Variants in EIF4B observed in about 807,000 individuals in gnomAD.
EIF4B encodes the protein eukaryotic translation initiation factor 4B.
EIF4B carries 8 observed loss-of-function variants against 79.3 expected under a neutral mutation model. The ratio of observed to expected loss-of-function variants is 0.10; its 90% CI spans 0.06 to 0.18. EIF4B has a LOEUF of 0.18. EIF4B is among the 10% of genes least tolerant of loss of function. The pLI, the probability that EIF4B is intolerant of heterozygous loss-of-function variation, is 1.00. For synonymous variants in EIF4B, 238 were observed against 274.7 expected (o/e 0.87, Z 1.32); for missense variants, 515 against 792.4 (o/e 0.65, Z 4.20).
chr12:53,027,938 G>A lies in EIF4B; in HGVS notation c.805+19G>A, dbSNP rs1565589668. 14 of 1,606,838 alleles carry A rather than the reference G, an allele frequency of 8.7e-6. No individual in the cohort carries two copies. The highest frequency in any genetic ancestry group is 4.4e-5 in the South Asian group (4 of 90,642). ...GATAGAGGTAATTGTAAAACATGTC[G>A]AATTGCTCTTTCAGTAACTTTGCCT... On this transcript the variant is annotated intron_variant, in intron 7 of 14. Coordinates refer to ENST00000262056, the MANE Select transcript of EIF4B (RefSeq NM_001417.7).
chr12:53,009,918 T>C (rs1412710802), intron 1 of EIF4B, among the ~76,000 whole-genome samples: 2 of 152,212 alleles, frequency 1.3e-5, no homozygotes, highest in Non-Finnish European at 2.9e-5. Context: ...CTTTTCGTGA[T>C]GGTAGAGGAA....
chr12:53,017,394 G>C (rs1005033743), intron 2 of EIF4B, among the ~76,000 whole-genome samples: 12 of 152,134 alleles, frequency 7.9e-5, no homozygotes, highest in Admixed American at 5.2e-4. Flanking sequence ...AAAGGAGTGA[G>C]AACAGTAATT....
chr12:53,014,228 T>C (rs1005242872), intron 1 of EIF4B, among the ~76,000 whole-genome samples: 11 of 151,196 alleles, frequency 7.3e-5, no homozygotes, highest in African/African-American at 2.4e-4. Flanking sequence ...AAGACCATCC[T>C]GGCTAACACT....
Position 53,040,191 on chromosome 12 carries a change from G to C in EIF4B, c.1804G>C (p.Asp602His), listed in dbSNP as rs778266609. The part of the protein sequence containing the change: ...KYAALSVDGE[D>H]ENEGEDYAE ...TGCTGCTCTCTCTGTTGATGGTGAA[G>C]ATGAAAATGAGGGAGAAGATTATGC... is the stretch of plus-strand genomic sequence containing the variant. The change falls in exon 15 of 15, where the codon GAT (aspartate) becomes CAT (histidine). Residue 602 changes from aspartate to histidine, a missense_variant. Asp to His is a moderately conservative substitution (Grantham distance 81). Transcript: ENST00000262056. 1.7e-5 allele frequency: 27 copies of C among 1,614,050 alleles called. No homozygotes were observed. The Admixed American group carries it at 4.5e-4, about 27-fold the overall frequency.
intron 10 of EIF4B, among the ~76,000 whole-genome samples, chr12:53,035,376 CT>C (rs1055166128): frequency 1.3e-5 from 2 of 148,938 alleles, no homozygotes; most frequent in African/African-American, 2.5e-5. Context: ...TATTTATTTT[CT>C]TTTTTTTTTG....
chr12:53,037,998 C>T, intron 11 of EIF4B: 1 of 272,330 alleles, frequency 3.7e-6, no homozygotes, highest in South Asian at 4.9e-5. Context: ...TGGCAGGTAC[C>T]TGTAATCCCA....
At chr12:53,030,080 A>AGC (rs1943408684) in intron 8 of EIF4B, among the ~76,000 whole-genome samples, 2 of 133,512 alleles carry the variant, frequency 1.5e-5, no homozygotes, top group Non-Finnish European at 3.3e-5. Flanking sequence ...AAGTTAGCTG[A>AGC]GCGTGGTAGC....
intron 6 of EIF4B, among the ~76,000 whole-genome samples, chr12:53,023,152 A>C (rs1055215992): frequency 6.6e-6 from 1 of 152,226 alleles, no homozygotes; most frequent in African/African-American, 2.4e-5. Context: ...CAGATTCTAC[A>C]AAGTGAGCTA....
rs188254368 is a variant in EIF4B at position 53,018,841 on chromosome 12, G to A, written c.195G>A (p.Ala65=). Residue 65 remains alanine, a synonymous_variant, in exon 3 of 15, where the codon GCG becomes GCA. Transcript: ENST00000262056. The stretch of plus-strand genomic sequence containing the variant: ...GTAACGATGACGATGTGTATAGGGC[G>A]CCTCCAATTGACCGTTCCATCCTTC... The part of the protein sequence containing the change: ...WHSNDDDVYR[A]PPIDRSILPT... The A allele has an allele frequency of 2.7e-3, 4,400 of 1,613,348 alleles. 13 individuals are homozygous for A. The highest frequency in any genetic ancestry group is 3.1e-3 in the Non-Finnish European group (3,666 of 1,179,846).
In EIF4B at chr12:53,033,786, T is replaced by C; in HGVS notation, c.980-20T>C. ...TTCTGGTGATTGGAAAACTATTACT[T>C]AAAGTTTCATTTAACTTAGGTCCCC... On this transcript the variant is annotated intron_variant, in intron 8 of 14. Transcript: ENST00000262056. The C allele has an allele frequency of 6.4e-7, 1 of 1,567,802 alleles. No homozygotes were observed.
At chr12:53,023,080 T>C (rs1943274303) in intron 6 of EIF4B, among the ~76,000 whole-genome samples, 1 of 152,050 alleles carries the variant, frequency 6.6e-6, no homozygotes, top group South Asian at 2.1e-4. Flanking sequence ...GAGGACTCCT[T>C]GAGCCCAGGA....
intron 2 of EIF4B, 50 bp downstream of exon 2, chr12:53,016,660 A>G (rs779563397): frequency 3.7e-5 from 57 of 1,524,254 alleles, no homozygotes; most frequent in Non-Finnish European, 4.8e-5. Flanking sequence ...TTTTCTAGAC[A>G]AAACCTATTA....
At chr12:53,012,555 CAA>C (rs564588199) in intron 1 of EIF4B, among the ~76,000 whole-genome samples, 2 of 141,252 alleles carry the variant, frequency 1.4e-5, no homozygotes, top group African/African-American at 2.6e-5. Context: ...ATTTCTGTCT[CAA>C]AAAAAAAGAC....
chr12:53,019,237 AAG>A (rs1285642319), intron 3 of EIF4B, among the ~76,000 whole-genome samples: 3 of 151,892 alleles, frequency 2.0e-5, no homozygotes, highest in Non-Finnish European at 4.4e-5. Context: ...TGTCTCTACT[AAG>A]AATACAAAAA....
In EIF4B at chr12:53,016,513, A is replaced by G. The variant is rs1943151098; in HGVS notation, c.54A>G (p.Thr18=). 1 of 1,613,128 alleles carries G rather than the reference A, an allele frequency of 6.2e-7. No homozygotes were observed. The highest frequency in any genetic ancestry group is 8.5e-7 in the Non-Finnish European group (1 of 1,179,890). The change falls in exon 2 of 15, where the codon ACA becomes ACG. Residue 18 remains threonine, a synonymous_variant. Transcript: ENST00000262056. ...AGAAGGGGAAGACTATCTCCCTAAC[A>G]GACTTTCTGGCTGAGGATGGGGGTA... is the stretch of plus-strand genomic sequence containing the variant. ...KNKKGKTISL[T]DFLAEDGGTG... is the part of the protein sequence containing the mutation.
chr12:53,017,925 T>C (rs948984939), intron 2 of EIF4B, among the ~76,000 whole-genome samples: 5 of 152,206 alleles, frequency 3.3e-5, no homozygotes, highest in Non-Finnish European at 7.3e-5. Context: ...GTACTTCCCA[T>C]AGGTGTTGGT....
intron 1 of EIF4B, among the ~76,000 whole-genome samples, chr12:53,011,303 C>T (rs1031616044): frequency 1.3e-5 from 2 of 152,144 alleles, no homozygotes; most frequent in African/African-American, 4.8e-5. Context: ...GATGTTCAAC[C>T]ATCATTATTA....
intron 6 of EIF4B, among the ~76,000 whole-genome samples, chr12:53,027,325 G>C (rs1323261932): frequency 6.6e-6 from 1 of 150,824 alleles, no homozygotes; most frequent in Non-Finnish European, 1.5e-5. Flanking sequence ...GTAGAGACGG[G>C]GTTTCACCAT....
rs916304708 is a variant in EIF4B at position 53,037,593 on chromosome 12, C to T, written c.1491C>T (p.Ser497=). 1 of 1,613,892 alleles carries T rather than the reference C, an allele frequency of 6.2e-7. No homozygotes were observed. Residue 497 remains serine, a synonymous_variant, in exon 11 of 15, where the codon AGC becomes AGT. Coordinates refer to ENST00000262056, the MANE Select transcript of EIF4B (RefSeq NM_001417.7). ...CTAACCCTCCTGCTCGATCTCAGAG[C>T]TCAGACACAGAGCAGCAGTCCCCTA... The part of the protein sequence containing the change: ...RSSNPPARSQ[S]SDTEQQSPTS...
Sources: allele counts gnomAD v4.1 joint callset (sites outside exome capture counted in the v4.1 genomes callset), GRCh38; gene constraint gnomAD v4.1.1; transcripts MANE v1.5; gene names NCBI Gene and HGNC (gene_info 2026-07-23, HGNC 2026-07-21).